Variants in PKHD1L1 observed in about 807,000 individuals in gnomAD.
PKHD1L1 encodes fibrocystin-L.
Under a neutral mutation model 462.9 loss-of-function variants are expected in PKHD1L1, and 434 were observed. That is an observed-to-expected ratio of 0.94 (90% CI 0.87 to 1.02). The LOEUF (loss-of-function observed/expected upper bound fraction) is 1.02. Among genes scored for constraint, PKHD1L1 ranks in the 50% least tolerant of loss-of-function variants. The pLI is 0.00. For synonymous variants in PKHD1L1, 1,781 were observed against 1,750.0 expected (o/e 1.02, Z -0.44); for missense variants, 5,202 against 5,096.1 (o/e 1.02, Z -0.63).
chr8:109,456,389 C>A lies in PKHD1L1; in HGVS notation c.7002C>A (p.His2334Gln). 6.2e-7 allele frequency: 1 copy of A among 1,603,038 alleles called. No homozygotes were observed. Among genetic ancestry groups the A allele is most frequent in the Non-Finnish European group, 8.5e-7 (1 of 1,174,256 alleles). ...ACATTGTAATTGCAAGCACAGGACA[C>A]AGGTATGATATCTTCTGGGCTTAAT... ...GDNIVIASTG[H>Q]RHSQGENEKM... Residue 2334 changes from histidine (H) to glutamine (Q), a missense_variant and splice_region_variant, in exon 46 of 78, where the codon CAC (histidine) becomes CAA (glutamine). Coordinates refer to ENST00000378402, the MANE Select transcript of PKHD1L1 (RefSeq NM_177531.6).
At chr8:109,456,948 C>T (rs1816859213) in intron 46 of PKHD1L1, among the ~76,000 whole-genome samples, 1 of 152,054 alleles carries the variant, frequency 6.6e-6, no homozygotes, top group African/African-American at 2.4e-5. Context: ...TTTTAGGTGC[C>T]TGTTATTTTA....
At chr8:109,384,264 C>A in intron 5 of PKHD1L1, 137 bp downstream of exon 5, 1 of 714,032 alleles carries the variant, frequency 1.4e-6, no homozygotes, top group Non-Finnish European at 2.3e-6. Context: ...ATCAGCCAGG[C>A]GCGGTGGCTC....
Position 109,445,565 on chromosome 8 carries a change from A to T in PKHD1L1, c.5696A>T (p.Asn1899Ile). The T allele has an allele frequency of 6.2e-7, 1 of 1,612,082 alleles. No homozygotes were observed. The highest frequency in any genetic ancestry group is 2.2e-5 in the East Asian group (1 of 44,866). Residue 1899 changes from asparagine to isoleucine, a missense_variant, in exon 38 of 78, where the codon AAT becomes ATT. Around this residue, in one of 3 missense-constraint regions of PKHD1L1, gnomAD observed 4,497 missense variants for 4,336.8 expected, o/e 1.04. Coordinates refer to ENST00000378402, the MANE Select transcript of PKHD1L1 (RefSeq NM_177531.6). ...ATGGTCGATGTTAAAATCTTTGTTA[A>T]TACAATTGCTTATCCACCTTTGCTT... ...TGMVDVKIFV[N>I]TIAYPPLLFT... is the part of the protein sequence containing the mutation.
chr8:109,388,742 G>A (rs1029855324), intron 7 of PKHD1L1, among the ~76,000 whole-genome samples, 192 bp downstream of exon 7: 2 of 152,082 alleles, frequency 1.3e-5, no homozygotes, highest in African/African-American at 4.8e-5. Flanking sequence ...CTCCAAGATA[G>A]TATGATATGA....
rs1820996493 is a variant in PKHD1L1 at position 109,530,088 on chromosome 8, T to TA, written c.*1dup. The TA allele has an allele frequency of 7.3e-7, 1 of 1,366,242 alleles. No homozygotes were observed. The highest frequency in any genetic ancestry group is 2.9e-5 in the Admixed American group (1 of 34,544). The allele number at this position is 1,366,242 out of a possible 1,614,324, so 84.6% of individuals were successfully genotyped here. ...STLNITLRSY[*] is the part of the protein sequence containing the mutation. ...TTGTTTCCATTTTTCAGGAAGCTAC[T>TA]AAAGTGCTGTTCCGAAGAATAGGCT... Residue 4244 remains the stop codon, a frameshift_variant and stop_retained_variant, in exon 78 of 78, where the codon TAA becomes TAAA. Coordinates refer to ENST00000378402, the MANE Select transcript of PKHD1L1 (RefSeq NM_177531.6). LOFTEE classifies it high-confidence loss of function.
rs201424129 is a variant in PKHD1L1, at chr8:109,400,275, T to C, written c.1212T>C (p.Tyr404=). 1.4e-5 allele frequency: 22 copies of C among 1,613,476 alleles called. No homozygotes were observed. The highest frequency in any genetic ancestry group is 1.3e-4 in the Admixed American group (8 of 59,976). ...TGGTGGCTCCAGATTCTGATGTTTA[T>C]AGATTCTACATCAAGGGTGATGACC... ...GFLVAPDSDV[Y]RFYIKGDDRY... Residue 404 remains tyrosine, a synonymous_variant, in exon 13 of 78, where the codon TAT becomes TAC. Transcript: ENST00000378402.
intron 52 of PKHD1L1, among the ~76,000 whole-genome samples, 153 bp from the exon 53 acceptor site, chr8:109,477,072 T>C (rs1818025706): frequency 6.6e-6 from 1 of 152,202 alleles, no homozygotes; most frequent in South Asian, 2.1e-4. Flanking sequence ...TTATAATACA[T>C]ACATTATCAG....
intron 68 of PKHD1L1, among the ~76,000 whole-genome samples, 197 bp downstream of exon 68, chr8:109,504,689 AAT>A (rs1481358641): frequency 6.6e-6 from 1 of 152,190 alleles, no homozygotes; most frequent in Non-Finnish European, 1.5e-5. Flanking sequence ...ACTGGGCTTT[AAT>A]ATATATGTTT....
intron 52 of PKHD1L1, among the ~76,000 whole-genome samples, 151 bp downstream of exon 52, chr8:109,476,818 A>T (rs544473757): frequency 4.6e-4 from 70 of 152,302 alleles, no homozygotes; most frequent in South Asian, 2.9e-3. Flanking sequence ...GACAAAATTT[A>T]TTCTTGAAAA....
rs186142964 is a variant in PKHD1L1, at chr8:109,522,294, T to A, written c.12140T>A (p.Ile4047Asn). 33 of 1,607,696 alleles carry A rather than the reference T, an allele frequency of 2.1e-5. No homozygotes were observed. The African/African-American group carries it at 2.9e-4, about 14-fold the overall frequency. The change falls in exon 74 of 78, where the codon ATT becomes AAT. Residue 4047 changes from isoleucine (I) to asparagine (N), a missense_variant. By Grantham distance (149) the Ile-to-Asn change is moderately radical. Transcript: ENST00000378402. ...GGATTTAACATTTCGTCCATGTCTATTACTAATCCCCTCCCCAGCCCAAGT... is the reference window on the plus strand; with the variant it reads ...GGATTTAACATTTCGTCCATGTCTAATACTAATCCCCTCCCCAGCCCAAGT... ...ILGFNISSMS[I>N]TNPLPSPSDS...
chr8:109,400,397 T>C lies in PKHD1L1; in HGVS notation c.1281+53T>C. 2.6e-6 allele frequency: 4 copies of C among 1,525,356 alleles called. No homozygotes were observed. The Admixed American group carries it at 7.7e-5, about 29-fold the overall frequency. The allele number at this position is 1,525,356 out of a possible 1,614,324, so 94.5% of individuals were successfully genotyped here. A position where few individuals can be genotyped will look rare whatever the true frequency, so the allele number is the denominator to read the frequency against. ...TACTGTAAAAACATTATGGTGATAT[T>C]TATATGTATCTTACTCTAAATCAAA... On this transcript the variant is annotated intron_variant, in intron 13 of 77. Coordinates refer to ENST00000378402, the MANE Select transcript of PKHD1L1 (RefSeq NM_177531.6).
intron 21 of PKHD1L1, among the ~76,000 whole-genome samples, chr8:109,415,564 G>A (rs1814105297): frequency 6.6e-6 from 1 of 152,076 alleles, no homozygotes. Context: ...GTGGCAGAAA[G>A]GTGACAAAAG....
At position 109,429,404 on chromosome 8, in the gene PKHD1L1, G is replaced by C; in HGVS notation, c.3065G>C (p.Gly1022Ala). ...ACAGTTACAAGGATAAAGGAAGGTG[G>C]CTTATTCAGACAACATGTACTTGGA... ...NMTVTRIKEG[G>A]LFRQHVLGDL... Residue 1022 changes from glycine (G) to alanine (A), a missense_variant, in exon 26 of 78, where the codon GGC becomes GCC. Around this residue, in one of 3 missense-constraint regions of PKHD1L1, gnomAD observed 4,497 missense variants for 4,336.8 expected, o/e 1.04. Coordinates refer to ENST00000378402, the MANE Select transcript of PKHD1L1 (RefSeq NM_177531.6). 2 of 1,599,214 alleles carry C rather than the reference G, an allele frequency of 1.3e-6. No individual in the cohort carries two copies. Among genetic ancestry groups the C allele is most frequent in the Non-Finnish European group, 1.7e-6 (2 of 1,170,134 alleles).
intron 72 of PKHD1L1, among the ~76,000 whole-genome samples, chr8:109,517,868 T>C (rs1820353728): frequency 6.6e-6 from 1 of 152,146 alleles, no homozygotes; most frequent in Admixed American, 6.6e-5. Context: ...TCAACTACAG[T>C]ATAGGCTCCT....
At chr8:109,484,098 C>G (rs529043170) in intron 57 of PKHD1L1, among the ~76,000 whole-genome samples, 1 of 151,858 alleles carries the variant, frequency 6.6e-6, no homozygotes, top group African/African-American at 2.4e-5. Context: ...TGCAAATCAT[C>G]AAAACATATG....
At chr8:109,407,432 A>C (rs1201594615) in intron 17 of PKHD1L1, among the ~76,000 whole-genome samples, 1 of 152,160 alleles carries the variant, frequency 6.6e-6, no homozygotes, top group Admixed American at 6.6e-5. Context: ...CCAAATCCTA[A>C]CTGGGCAAAT....
intron 59 of PKHD1L1, 26 bp from the exon 60 acceptor site, chr8:109,489,926 A>G: frequency 7.0e-7 from 1 of 1,436,134 alleles, no homozygotes; most frequent in Non-Finnish European, 9.7e-7. Context: ...TAAGAAAAAC[A>G]AATTTTAAAT....
At chr8:109,433,333 T>C in intron 28 of PKHD1L1, 117 bp downstream of exon 28, 1 of 905,742 alleles carries the variant, frequency 1.1e-6, no homozygotes, top group Non-Finnish European at 1.7e-6. Flanking sequence ...AGTATTACAA[T>C]TATCATGATC....
At chr8:109,365,982 GAAGA>G (rs1811211576) in intron 2 of PKHD1L1, among the ~76,000 whole-genome samples, 2 of 151,826 alleles carry the variant, frequency 1.3e-5, no homozygotes, top group African/African-American at 4.8e-5. Flanking sequence ...CAAAGAAGAA[GAAGA>G]AAAAAAGAAA....
Sources: gnomAD v4.1 joint callset for allele counts (sites outside exome capture counted in the v4.1 genomes callset) on GRCh38, gnomAD v4.1.1 for gene constraint, gnomAD v4.1.1 regional missense constraint, MANE v1.5 for transcripts, NCBI Gene and HGNC (gene_info 2026-07-23, HGNC 2026-07-21) for gene names.